Variants in MAST3 observed in about 807,000 individuals in gnomAD.
The protein encoded by MAST3 is microtubule associated serine/threonine kinase 3, also known as microtubule-associated serine/threonine-protein kinase 3.
A neutral mutation model predicts 127.0 loss-of-function variants in MAST3; 43 were observed. The observed-to-expected ratio is 0.34, with a 90% CI of 0.27 to 0.44. The LOEUF (loss-of-function observed/expected upper bound fraction) is 0.44, where lower values mean the gene tolerates loss of function less well. Ranked by LOEUF, MAST3 falls within the 20% of genes least tolerant of loss-of-function variation. The pLI is 1.00. For synonymous variants in MAST3, 785 were observed against 809.2 expected, an observed-to-expected ratio of 0.97 and a Z score of 0.51; for missense variants, 1,390 against 1,919.1, an observed-to-expected ratio of 0.72 and a Z score of 5.15.
chr19:18,124,671 G>T lies in MAST3; in HGVS notation c.975G>T (p.Leu325=), dbSNP rs1021872045. The T allele has an allele frequency of 3.7e-6, 6 of 1,605,960 alleles. No homozygotes were observed. The Admixed American group carries it at 1.0e-4, about 28-fold the overall frequency. ...LEFDPEEFYH[L]LEAAEGHARE... ...TTGACCCTGAGGAATTTTACCACCT[G>T]CTGGAGGCGGCTGAGGGCCATGCGC... is the stretch of plus-strand genomic sequence containing the variant. The change falls in exon 11 of 28, where the codon CTG becomes CTT. Residue 325 remains leucine (L), a synonymous_variant. Coordinates refer to ENST00000687212, the MANE Select transcript of MAST3 (RefSeq NM_001393504.1).
chr19:18,139,426 G>A (rs951892735), intron 20 of MAST3, among the ~76,000 whole-genome samples: 1 of 152,150 alleles, frequency 6.6e-6, no homozygotes, highest in Non-Finnish European at 1.5e-5. Context: ...CCAGGTTCAA[G>A]CGATTCTCCT....
chr19:18,104,100 T>A (rs2037861701), intron 1 of MAST3, among the ~76,000 whole-genome samples: 1 of 135,666 alleles, frequency 7.4e-6, no homozygotes, highest in Non-Finnish European at 1.5e-5. Flanking sequence ...CAATCCCAGC[T>A]ACTCTGGAGG....
At chr19:18,140,316 CTGCAGT>C (rs1265607777) in intron 20 of MAST3, among the ~76,000 whole-genome samples, 134 of 152,052 alleles carry the variant, frequency 8.8e-4, no homozygotes, top group African/African-American at 3.2e-3. Context: ...GAGGTGGAGG[CTGCAGT>C]AAGCTGAGAT....
intron 5 of MAST3, 110 bp downstream of exon 5, chr19:18,122,032 T>A: frequency 6.6e-7 from 1 of 1,511,912 alleles, no homozygotes. Flanking sequence ...ATTCACCTTT[T>A]CCCCTCCCCT....
rs2042763053 is a variant in MAST3 at position 18,143,852 on chromosome 19, T to C, written c.2429T>C (p.Ile810Thr). ...RGPSPSLLNT[I>T]SLDTMPKFAF... is the part of the protein sequence containing the mutation. ...CCCAGCCCATCTCTCCTGAATACCA[T>C]CAGCCTGGACACAATGCCCAAGTTT... Residue 810 changes from isoleucine (I) to threonine (T), a missense_variant, in exon 22 of 28, where the codon ATC (isoleucine) becomes ACC (threonine). Transcript: ENST00000687212. The C allele has an allele frequency of 1.2e-6, 2 of 1,613,890 alleles. No homozygotes were observed. Among genetic ancestry groups the C allele is most frequent in the East Asian group, 4.5e-5 (2 of 44,868 alleles).
Position 18,145,892 on chromosome 19 carries a change from A to G in MAST3, c.3162+27A>G, listed in dbSNP as rs1301296879. On this transcript the variant is annotated intron_variant, in intron 25 of 27. Transcript: ENST00000687212. This position sits in a 1 kb window ranked among gnomAD's most constrained non-coding sequence, Gnocchi z 5.9. Reference sequence around the variant, plus strand: ...TGCGGCACCCCCACTGCCCACCCTCAGGGCTCCCCAGCACCCCTTGGCCGC... The same window carrying G: ...TGCGGCACCCCCACTGCCCACCCTCGGGGCTCCCCAGCACCCCTTGGCCGC... 2 of 1,560,952 alleles carry G rather than the reference A, an allele frequency of 1.3e-6. No individual in the cohort carries two copies. Among genetic ancestry groups the G allele is most frequent in the African/African-American group, 2.8e-5 (2 of 71,742 alleles).
chr19:18,139,215 T>C, intron 20 of MAST3, 91 bp downstream of exon 20: 1 of 1,046,216 alleles, frequency 9.6e-7, no homozygotes, highest in South Asian at 1.4e-5. Flanking sequence ...TTGCTTTGTT[T>C]TGTTCTGTAG....
chr19:18,151,571 C>T lies in MAST3; in HGVS notation c.*1845C>T, dbSNP rs1480410393. The T allele has an allele frequency of 6.6e-6, 1 of 152,272 alleles. No individual in the cohort carries two copies. The highest frequency in any genetic ancestry group is 2.4e-5 in the African/African-American group (1 of 41,460). The allele number at this position is 152,272 out of a possible 1,614,324, so 9.4% of individuals were successfully genotyped here. A position where few individuals can be genotyped will look rare whatever the true frequency, so the allele number is the denominator to read the frequency against. On this transcript the variant is annotated 3_prime_UTR_variant, in exon 28 of 28. Coordinates refer to ENST00000687212, the MANE Select transcript of MAST3 (RefSeq NM_001393504.1). ...GACATCAACAGCCCACTCTGCTTCC[C>T]TTTCTGAGTCCCCTGTCCAGCACTG... is the stretch of plus-strand genomic sequence containing the variant.
chr19:18,119,193 C>T (rs935318325), intron 3 of MAST3, among the ~76,000 whole-genome samples: 1 of 152,184 alleles, frequency 6.6e-6, no homozygotes, highest in Non-Finnish European at 1.5e-5. Context: ...TCCTTTGAGG[C>T]CTCACATTTG....
intron 3 of MAST3, among the ~76,000 whole-genome samples, chr19:18,111,606 C>T (rs1025490169): frequency 1.8e-4 from 26 of 142,102 alleles, no homozygotes; most frequent in African/African-American, 2.7e-5. Flanking sequence ...GCAATCTCAG[C>T]TTACTGCAAC....
chr19:18,144,790 C>T lies in MAST3; in HGVS notation c.2812+97C>T. On this transcript the variant is annotated intron_variant, in intron 23 of 27. Transcript: ENST00000687212. This position sits in a 1 kb window ranked among gnomAD's most constrained non-coding sequence, Gnocchi z 4.0. ...GAGTTGGGGAGGCTGGGGATGAGCCCCAGAAGAGGGGAGGAGGAGTAGGAC... is the reference window on the plus strand; with the variant it reads ...GAGTTGGGGAGGCTGGGGATGAGCCTCAGAAGAGGGGAGGAGGAGTAGGAC... 1 of 1,323,228 alleles carries T rather than the reference C, an allele frequency of 7.6e-7. No individual in the cohort carries two copies. Among genetic ancestry groups the T allele is most frequent in the Non-Finnish European group, 1.1e-6 (1 of 936,764 alleles). 82.0% of individuals were successfully genotyped at this position (1,323,228 alleles called of 1,614,324 possible).
chr19:18,133,254 G>A (rs770505813), intron 15 of MAST3, among the ~76,000 whole-genome samples: 4 of 152,232 alleles, frequency 2.6e-5, no homozygotes, highest in Non-Finnish European at 4.4e-5. Flanking sequence ...ACACACTAAC[G>A]TTGGGTTTCT....
chr19:18,128,418 A>C lies in MAST3; in HGVS notation c.1097A>C (p.His366Pro), dbSNP rs576582169. The C allele has an allele frequency of 6.4e-7, 1 of 1,555,042 alleles. No homozygotes were observed. Among genetic ancestry groups the C allele is most frequent in the Non-Finnish European group, 8.7e-7 (1 of 1,149,794 alleles). ...CTTGCAGAGATGGTGCCACTGAGTC[A>C]CCTCGAAGAAGAACAGCCCCCAGCA... ...DPLEEMVPLS[H>P]LEEEQPPAPE... Residue 366 changes from histidine to proline, a missense_variant, in exon 12 of 28, where the codon CAC becomes CCC. Around this residue, in one of 5 missense-constraint regions of MAST3, gnomAD observed 277 missense variants for 384.8 expected, o/e 0.72. Transcript: ENST00000687212.
Position 18,149,220 on chromosome 19 carries a change from C to T in MAST3, c.3538C>T (p.Pro1180Ser), listed in dbSNP as rs775553889. Residue 1180 changes from proline (P) to serine (S), a missense_variant, in exon 28 of 28, where the codon CCG becomes TCG. By Grantham distance (74) the Pro-to-Ser change is moderately conservative. Transcript: ENST00000687212. The surrounding 1 kb of genome is among the most constrained non-coding windows in gnomAD (Gnocchi z 5.9). ...DTTASPPSASPSSSSPASPAA... is the reference protein window; with the variant it reads ...DTTASPPSASSSSSSPASPAA... ...CACTGCATCCCCACCCAGCGCATCC[C>T]CGAGCTCCAGCAGCCCCGCCTCCCC... is the stretch of plus-strand genomic sequence containing the variant. 2.6e-6 allele frequency: 4 copies of T among 1,556,676 alleles called. No individual in the cohort carries two copies. The highest frequency in any genetic ancestry group is 2.6e-5 in the East Asian group (1 of 39,104).
At position 18,116,090 on chromosome 19, in the gene MAST3, C is replaced by CTTTTTTTT. The variant is rs3048876; in HGVS notation, c.161+5363_161+5370dup. Among the ~76,000 whole-genome samples, 402 of 86,328 alleles carry CTTTTTTTT rather than the reference C, an allele frequency of 4.7e-3. 72 individuals are homozygous for CTTTTTTTT. Among genetic ancestry groups the CTTTTTTTT allele is most frequent in the African/African-American group, 0.017 (310 of 18,368 alleles). The allele number at this position is 86,328 out of a possible 152,430, so 56.6% of individuals were successfully genotyped here. ...TCTCAGCCTTGGTATTTGAAATTAT[C>CTTTTTTTT]TTTTTTTTTTTTTTTTTTTTTGAGA... On this transcript the variant is annotated intron_variant, in intron 3 of 27. Transcript: ENST00000687212.
chr19:18,126,562 A>T (rs968618639), intron 11 of MAST3, among the ~76,000 whole-genome samples: 1 of 152,202 alleles, frequency 6.6e-6, no homozygotes, highest in Non-Finnish European at 1.5e-5. Flanking sequence ...ACTTGAAGCC[A>T]GGAGTTTGAG....
Position 18,139,126 on chromosome 19 carries a change from TG to T in MAST3, c.2205+5del. 6.3e-7 allele frequency: 1 copy of T among 1,591,084 alleles called. No individual in the cohort carries two copies. The highest frequency in any genetic ancestry group is 1.1e-5 in the South Asian group (1 of 87,626). On this transcript the variant is annotated splice_donor_region_variant and intron_variant, in intron 20 of 27. Transcript: ENST00000687212. ...TCCTGCTCCCACCGGTTCAGCAAGG[TG>T]GGCCCGGGTCCCGAGGGGAGCCACT...
chr19:18,113,927 T>A (rs2038936877), intron 3 of MAST3, among the ~76,000 whole-genome samples: 4 of 152,164 alleles, frequency 2.6e-5, no homozygotes, highest in Admixed American at 2.6e-4. Context: ...ATCCTATCCA[T>A]CTCCCCGTCG....
chr19:18,107,513 G>C (rs1254455836), intron 1 of MAST3, 74 bp from the exon 2 acceptor site: 1 of 1,405,744 alleles, frequency 7.1e-7, no homozygotes, highest in East Asian at 2.3e-5. Flanking sequence ...TGGGGATTGT[G>C]GGGGTGCATC....
Sources: gnomAD v4.1 joint callset for allele counts (sites outside exome capture counted in the v4.1 genomes callset) on GRCh38, gnomAD v4.1.1 for gene constraint, gnomAD v4.1.1 regional missense constraint, Gnocchi (gnomAD v3.1) non-coding constraint, MANE v1.5 for transcripts, NCBI Gene and HGNC (gene_info 2026-07-23, HGNC 2026-07-21) for gene names.